The following C5orf24 variants were observed in gnomAD, a reference collection of about 807,000 sequenced individuals.
The protein encoded by C5orf24 is chromosome 5 open reading frame 24.
C5orf24 carries 4 observed loss-of-function variants against 9.8 expected under a neutral mutation model. That is an observed-to-expected ratio of 0.41 (90% CI 0.20 to 0.93). The LOEUF is 0.93. Among genes scored for constraint, C5orf24 ranks in the 40% least tolerant of loss-of-function variants. The pLI is 0.33. For missense variants in C5orf24, 170 were observed against 236.9 expected, an observed-to-expected ratio of 0.72 and a Z score of 1.85; for synonymous variants, 73 against 81.3, an observed-to-expected ratio of 0.90 and a Z score of 0.55.
chr5:134,833,955 A>T, the C5orf24 span, among the ~76,000 whole-genome samples: 6 of 151,332 alleles, frequency 4.0e-5, no homozygotes, highest in Non-Finnish European at 8.8e-5. Flanking sequence ...TTAAAGAAGA[A>T]ATTCTAACTT....
rs1756343044 is a variant in C5orf24, at chr5:134,857,400, C to A, written c.*1933C>A. 1 of 1,548,312 alleles carries A rather than the reference C, an allele frequency of 6.5e-7. No individual in the cohort carries two copies. Among genetic ancestry groups the A allele is most frequent in the East Asian group, 2.4e-5 (1 of 40,856 alleles). ...TCAGGTGTTCCAGTGATGCCTGACACAATTGAGCTGGACTTTATGCTGCTC... is the reference window on the plus strand; with the variant it reads ...TCAGGTGTTCCAGTGATGCCTGACAAAATTGAGCTGGACTTTATGCTGCTC... On this transcript the variant is annotated 3_prime_UTR_variant, in exon 2 of 2. Transcript: ENST00000394976.
upstream of C5orf24, among the ~76,000 whole-genome samples, chr5:134,841,541 C>CT (rs1471169696): frequency 3.9e-5 from 6 of 152,060 alleles, no homozygotes; most frequent in African/African-American, 1.4e-4. Context: ...GAACCAACAT[C>CT]TCGCCACTGC....
At chr5:134,844,637 A>G (rs1284066040), upstream of C5orf24, among the ~76,000 whole-genome samples, 1 of 152,058 alleles carries the variant, frequency 6.6e-6, no homozygotes, top group Non-Finnish European at 1.5e-5. Flanking sequence ...CCTAGTTGGA[A>G]TGATGTTTAG....
chr5:134,857,474 G>A lies in C5orf24; in HGVS notation c.*2007G>A, dbSNP rs115396590. ...GTATGTGGGGACTATGTGCACTGGC[G>A]TCTAAGACAGTGACCTCAACAATAT... is the stretch of plus-strand genomic sequence containing the variant. On this transcript the variant is annotated 3_prime_UTR_variant, in exon 2 of 2. Transcript: ENST00000394976. 2,184 of 1,447,194 alleles carry A rather than the reference G, an allele frequency of 1.5e-3. 26 individuals are homozygous for A. The African/African-American group carries it at 0.027, about 18-fold the overall frequency. The allele number at this position is 1,447,194 out of a possible 1,614,324, so 89.6% of individuals were successfully genotyped here.
chr5:134,845,308 C>T (rs921746028), upstream of C5orf24, among the ~76,000 whole-genome samples: 9 of 152,242 alleles, frequency 5.9e-5, no homozygotes, highest in Non-Finnish European at 1.0e-4. Flanking sequence ...GCATCCTCCT[C>T]TAGCCTCTTC....
At position 134,855,027 on chromosome 5, in the gene C5orf24, A is replaced by G. The variant is rs372418986; in HGVS notation, c.127A>G (p.Ser43Gly). ...ATATTCCTCCCAGCAAAGCAAATAC[A>G]GCCACACAGTCAACCACAAACCAAT... ...DIYSSQQSKY[S>G]HTVNHKPMVC... Residue 43 changes from serine to glycine, a missense_variant, in exon 2 of 2, where the codon AGC (serine) becomes GGC (glycine). By Grantham distance (56) the Ser-to-Gly change is moderately conservative. Coordinates refer to ENST00000394976, the MANE Select transcript of C5orf24 (RefSeq NM_001135586.1). The G allele has an allele frequency of 1.9e-6, 3 of 1,614,236 alleles. No individual in the cohort carries two copies. The East Asian group carries it at 6.7e-5, about 36-fold the overall frequency.
upstream of C5orf24, among the ~76,000 whole-genome samples, chr5:134,844,628 C>T (rs1203777743): frequency 2.6e-5 from 4 of 152,204 alleles, no homozygotes; most frequent in African/African-American, 9.6e-5. Context: ...ATCACTCCAC[C>T]TAGTTGGAAT....
the C5orf24 span, among the ~76,000 whole-genome samples, chr5:134,840,325 AAAG>A: frequency 6.6e-6 from 1 of 151,006 alleles, no homozygotes. Context: ...AAAAAAAAAA[AAAG>A]AACAGGGAAG....
At chr5:134,844,541 C>G (rs138309046), upstream of C5orf24, among the ~76,000 whole-genome samples, 42 of 152,276 alleles carry the variant, frequency 2.8e-4, no homozygotes, top group African/African-American at 9.9e-4. Flanking sequence ...GACAGAATCT[C>G]TCTATATTGT....
the C5orf24 span, among the ~76,000 whole-genome samples, chr5:134,838,441 C>T: frequency 1.3e-5 from 2 of 152,228 alleles, no homozygotes; most frequent in South Asian, 2.1e-4. Context: ...GGGGCTGAGG[C>T]AGGCAGATCA....
the C5orf24 span, among the ~76,000 whole-genome samples, chr5:134,840,664 G>GT: frequency 6.6e-6 from 1 of 151,880 alleles, no homozygotes; most frequent in African/African-American, 2.4e-5. Context: ...ATCCTAAGTA[G>GT]TTGGGACCAC....
the C5orf24 span, among the ~76,000 whole-genome samples, chr5:134,835,156 A>C: frequency 6.6e-6 from 1 of 152,188 alleles, no homozygotes; most frequent in Non-Finnish European, 1.5e-5. Flanking sequence ...CAGTGAGCCA[A>C]GATCACGCCA....
intron 1 of C5orf24, among the ~76,000 whole-genome samples, chr5:134,853,029 G>T (rs893820332): frequency 6.6e-6 from 1 of 152,232 alleles, no homozygotes; most frequent in East Asian, 1.9e-4. Context: ...GCCGGGCGTG[G>T]TGGCGGGTGC....
upstream of C5orf24, among the ~76,000 whole-genome samples, chr5:134,842,895 C>G (rs1306999088): frequency 6.6e-6 from 1 of 152,200 alleles, no homozygotes; most frequent in Non-Finnish European, 1.5e-5. Context: ...TCATGTCTGG[C>G]ACTTTCAAAT....
rs1353899105 is a variant in C5orf24 at position 134,858,226 on chromosome 5, A to G, written c.*2759A>G. The stretch of plus-strand genomic sequence containing the variant: ...AGCGGTTACCTGGAGTATTATATCT[A>G]TGCACTGGTGAGCATCTCCTGATTC... On this transcript the variant is annotated 3_prime_UTR_variant, in exon 2 of 2. Transcript: ENST00000394976. 6.0e-6 allele frequency: 1 copy of G among 167,104 alleles called. No homozygotes were observed. Among genetic ancestry groups the G allele is most frequent in the African/African-American group, 2.4e-5 (1 of 41,460 alleles). The allele number at this position is 167,104 out of a possible 1,614,324, so 10.4% of individuals were successfully genotyped here.
chr5:134,834,076 A>G, the C5orf24 span, among the ~76,000 whole-genome samples: 4 of 152,220 alleles, frequency 2.6e-5, no homozygotes, highest in African/African-American at 9.6e-5. Context: ...GGATTACTTT[A>G]AAAGACAGAA....
At chr5:134,843,638 C>T (rs910573216), upstream of C5orf24, among the ~76,000 whole-genome samples, 2 of 152,314 alleles carry the variant, frequency 1.3e-5, no homozygotes, top group Middle Eastern at 3.4e-3. Context: ...CTGACTGCAA[C>T]CTCCGCCTCC....
chr5:134,850,955 C>G (rs1030079111), intron 1 of C5orf24, among the ~76,000 whole-genome samples: 1 of 147,148 alleles, frequency 6.8e-6, no homozygotes, highest in African/African-American at 2.6e-5. Context: ...CACACACACA[C>G]TACACACACA....
At chr5:134,853,754 A>G (rs1016045845) in intron 1 of C5orf24, among the ~76,000 whole-genome samples, 1 of 152,112 alleles carries the variant, frequency 6.6e-6, no homozygotes, top group Non-Finnish European at 1.5e-5. Context: ...AATGTTGTAC[A>G]TTCAACTTTT....
Sources: gnomAD v4.1 joint callset for allele counts (sites outside exome capture counted in the v4.1 genomes callset) on GRCh38, gnomAD v4.1.1 for gene constraint, MANE v1.5 for transcripts, NCBI Gene and HGNC (gene_info 2026-07-23, HGNC 2026-07-21) for gene names.